The following ZNF423 variants were observed in gnomAD, a reference collection of about 807,000 sequenced individuals.
The protein encoded by ZNF423 is Ebf-associated zinc finger protein.
Under a neutral mutation model 95.8 loss-of-function variants are expected in ZNF423, and 12 were observed. The observed-to-expected ratio is 0.13, with a 90% confidence interval of 0.08 to 0.20. The LOEUF is 0.20. Ranked by LOEUF, ZNF423 falls within the 10% of genes least tolerant of loss-of-function variation. The pLI is 1.00. For synonymous variants in ZNF423, 749 were observed against 711.9 expected (o/e 1.05, Z -0.83); for missense variants, 1,316 against 1,737.1 (o/e 0.76, Z 4.31).
intron 3 of ZNF423, among the ~76,000 whole-genome samples, chr16:49,714,300 T>C (rs1458958924): frequency 6.6e-6 from 1 of 152,140 alleles, no homozygotes; most frequent in Admixed American, 6.5e-5. Flanking sequence ...GGATCTGGTC[T>C]ACTCAGGGTG....
At chr16:49,531,139 C>G (rs1416640665) in intron 5 of ZNF423, among the ~76,000 whole-genome samples, 1 of 152,112 alleles carries the variant, frequency 6.6e-6, no homozygotes, top group African/African-American at 2.4e-5. Context: ...TGCACCTCCT[C>G]TCTCCAAGAG....
At chr16:49,500,109 G>A (rs1199977776) in intron 7 of ZNF423, among the ~76,000 whole-genome samples, 4 of 152,148 alleles carry the variant, frequency 2.6e-5, no homozygotes, top group African/African-American at 9.7e-5. Context: ...AAAGGAAGAT[G>A]GAATGCTTCC....
At chr16:49,828,661 A>T (rs1042595065) in intron 1 of ZNF423, among the ~76,000 whole-genome samples, 2 of 152,178 alleles carry the variant, frequency 1.3e-5, no homozygotes, top group African/African-American at 4.8e-5. Flanking sequence ...CATTAGACTC[A>T]CACTGCAGCC....
chr16:49,710,260 C>T (rs975126402), intron 3 of ZNF423, among the ~76,000 whole-genome samples: 13 of 152,182 alleles, frequency 8.5e-5, no homozygotes, highest in African/African-American at 2.9e-4. Flanking sequence ...TCAGCTCTCA[C>T]CAAAATTCTT....
At chr16:49,672,153 A>G (rs1433555921) in intron 3 of ZNF423, among the ~76,000 whole-genome samples, 1 of 152,222 alleles carries the variant, frequency 6.6e-6, no homozygotes, top group African/African-American at 2.4e-5. Context: ...GCAGCAAAAC[A>G]TATCGGTATT....
At chr16:49,677,751 C>T (rs1226012322) in intron 3 of ZNF423, among the ~76,000 whole-genome samples, 5 of 130,468 alleles carry the variant, frequency 3.8e-5, no homozygotes, top group Non-Finnish European at 7.8e-5. Context: ...AAGACCCTGT[C>T]TCAAAAAAAA....
chr16:49,557,437 G>A (rs1372075482), intron 5 of ZNF423, among the ~76,000 whole-genome samples: 1 of 152,168 alleles, frequency 6.6e-6, no homozygotes, highest in Non-Finnish European at 1.5e-5. Flanking sequence ...AACTCCCGGG[G>A]CCACCAGGGC....
chr16:49,855,230 G>A lies in ZNF423; in HGVS notation c.40+505C>T, dbSNP rs2035348625. ...CGCTCCCCGCGTCCTCGGGCGACCA[G>A]GCAGGGGCCAGAGAGAGCCAGCGAG... On this transcript the variant is annotated intron_variant, in intron 1 of 7. Transcript: ENST00000563137. The surrounding 1 kb of genome is among the most constrained non-coding windows in gnomAD (Gnocchi z 4.7). Among the ~76,000 whole-genome samples the A allele has an allele frequency of 7.0e-6, 1 of 142,904 alleles. No individual in the cohort carries two copies. The highest frequency in any genetic ancestry group is 2.3e-4 in the South Asian group (1 of 4,436). 93.8% of individuals were successfully genotyped at this position (142,904 alleles called of 152,430 possible).
At position 49,723,117 on chromosome 16, in the gene ZNF423, G is replaced by A. The variant is rs189318110; in HGVS notation, c.301+7654C>T. ...ACTACAGGCACCCGCCACCACGCCC[G>A]GCTAATTTTTTGTATTTTCAGTAGA... On this transcript the variant is annotated intron_variant, in intron 3 of 7. Coordinates refer to ENST00000563137, the MANE Select transcript of ZNF423 (RefSeq NM_001379286.1). Among the ~76,000 whole-genome samples, 838 of 151,872 alleles carry A rather than the reference G, an allele frequency of 5.5e-3. 8 individuals are homozygous for A. The highest frequency in any genetic ancestry group is 0.019 in the African/African-American group (783 of 41,442).
chr16:49,772,187 G>A (rs762198006), intron 2 of ZNF423, among the ~76,000 whole-genome samples: 53 of 152,308 alleles, frequency 3.5e-4, no homozygotes, highest in Admixed American at 8.5e-4. Flanking sequence ...GGCTGAAGGC[G>A]CAAGAAACAG....
chr16:49,608,924 T>A (rs1395802718), intron 5 of ZNF423, among the ~76,000 whole-genome samples: 1 of 152,158 alleles, frequency 6.6e-6, no homozygotes, highest in East Asian at 1.9e-4. Context: ...CCCATCCCTG[T>A]TAATGTGGCA....
chr16:49,539,787 C>T (rs1969186483), intron 5 of ZNF423, among the ~76,000 whole-genome samples: 1 of 152,000 alleles, frequency 6.6e-6, no homozygotes, highest in Non-Finnish European at 1.5e-5. Context: ...AACACAGTCG[C>T]CCAGAAATCC....
chr16:49,754,389 T>C (rs35195665), intron 2 of ZNF423, among the ~76,000 whole-genome samples: 83,875 of 152,028 alleles, frequency 0.55, 23,742 homozygotes, highest in African/African-American at 0.68. Context: ...TTTAATTAAG[T>C]AATTATAGGC....
At chr16:49,556,707 C>A (rs1969838364) in intron 5 of ZNF423, among the ~76,000 whole-genome samples, 1 of 152,200 alleles carries the variant, frequency 6.6e-6, no homozygotes, top group African/African-American at 2.4e-5. Context: ...TCTTGAAGCT[C>A]AGCACAAATT....
intron 3 of ZNF423, among the ~76,000 whole-genome samples, chr16:49,668,051 A>G (rs1279826056): frequency 6.6e-6 from 1 of 152,004 alleles, no homozygotes; most frequent in Non-Finnish European, 1.5e-5. Flanking sequence ...CCCAACTACA[A>G]ACTTTCTTTA....
intron 2 of ZNF423, among the ~76,000 whole-genome samples, chr16:49,756,066 AG>A (rs1249132557): frequency 6.6e-6 from 1 of 152,208 alleles, no homozygotes; most frequent in East Asian, 1.9e-4. Flanking sequence ...TAGAAGAAAT[AG>A]GGAGCCACTG....
intron 1 of ZNF423, among the ~76,000 whole-genome samples, chr16:49,811,428 C>G (rs945951546): frequency 2.0e-5 from 3 of 152,110 alleles, no homozygotes; most frequent in Admixed American, 6.5e-5. Context: ...CACTCTACCC[C>G]CAACCCAGCC....
intron 3 of ZNF423, among the ~76,000 whole-genome samples, chr16:49,666,576 G>A (rs1443917627): frequency 6.6e-6 from 1 of 152,148 alleles, no homozygotes; most frequent in East Asian, 1.9e-4. Flanking sequence ...ACATATGCAT[G>A]GTTATACTCA....
At chr16:49,845,524 TTTTTGTTTTG>T (rs1254445816) in intron 1 of ZNF423, among the ~76,000 whole-genome samples, 2 of 151,566 alleles carry the variant, frequency 1.3e-5, no homozygotes, top group East Asian at 1.9e-4. Context: ...ACGGCTCCCA[TTTTTGTTTTG>T]TTTTGTTTTG....
Sources: gnomAD v4.1 joint callset for allele counts (sites outside exome capture counted in the v4.1 genomes callset) on GRCh38, gnomAD v4.1.1 for gene constraint, Gnocchi (gnomAD v3.1) non-coding constraint, MANE v1.5 for transcripts, NCBI Gene and HGNC (gene_info 2026-07-23, HGNC 2026-07-21) for gene names.